Variants in HRK observed in about 807,000 individuals in gnomAD.
HRK encodes activator of apoptosis harakiri.
In HRK, 6 loss-of-function variants were observed where a neutral mutation model predicts 5.9. That is an observed-to-expected ratio of 1.02 (90% confidence interval 0.56 to 2.01). The LOEUF is 2.01. Among genes scored for constraint, HRK ranks in the 30% most tolerant of loss-of-function variants. HRK has a pLI of 0.00. For missense variants in HRK, 133 were observed against 128.3 expected (o/e 1.04, Z -0.18); for synonymous variants, 85 against 65.1 (o/e 1.31, Z -1.47).
chr12:116,871,265 G>A (rs1302667949), intron 1 of HRK, among the ~76,000 whole-genome samples: 1 of 148,764 alleles, frequency 6.7e-6, no homozygotes, highest in Admixed American at 6.7e-5. Flanking sequence ...CCAAAAGAAC[G>A]CTAAATATGT....
At chr12:116,868,708 A>G (rs1593006501) in intron 1 of HRK, among the ~76,000 whole-genome samples, 1 of 152,218 alleles carries the variant, frequency 6.6e-6, no homozygotes, top group East Asian at 1.9e-4. Context: ...CACCATGGCC[A>G]GGTGCTGGGA....
intron 1 of HRK, among the ~76,000 whole-genome samples, chr12:116,864,007 C>T (rs1481956954): frequency 6.6e-6 from 1 of 152,096 alleles, no homozygotes; most frequent in Non-Finnish European, 1.5e-5. Flanking sequence ...AGGCCAATTC[C>T]CCTTCTATCT....
chr12:116,864,790 G>T (rs1203671188), intron 1 of HRK, among the ~76,000 whole-genome samples: 1 of 152,082 alleles, frequency 6.6e-6, no homozygotes, highest in Non-Finnish European at 1.5e-5. Flanking sequence ...TATATATATA[G>T]GGTTTCTTTC....
rs1210534814 is a variant in HRK at position 116,878,097 on chromosome 12, G to A, written c.*56+2879C>T. ...CGCTCAGCTAATTTTTGTATTTTTA[G>A]TAGAGATGGGGTTTCACCATGTTGG... On this transcript the variant is annotated intron_variant, in intron 1 of 1. Coordinates refer to ENST00000257572, the MANE Select transcript of HRK (RefSeq NM_003806.4). The surrounding 1 kb of genome is among the most constrained non-coding windows in gnomAD (Gnocchi z 4.4). Among the ~76,000 whole-genome samples, 1 of 152,162 alleles carries A rather than the reference G, an allele frequency of 6.6e-6. No individual in the cohort carries two copies. Among genetic ancestry groups the A allele is most frequent in the Non-Finnish European group, 1.5e-5 (1 of 68,036 alleles).
Position 116,862,708 on chromosome 12 carries a change from TTTTGTTTGTTTGTTTG to T in HRK, c.*57-1258_*57-1243del, listed in dbSNP as rs141619738. Among the ~76,000 whole-genome samples the T allele has an allele frequency of 0.092, 13,909 of 150,848 alleles. 1,574 individuals are homozygous for T. The highest frequency in any genetic ancestry group is 0.27 in the African/African-American group (10,941 of 41,008). ...TTGTACACCTTAAAAAGGTAGGGTT[TTTTGTTTGTTTGTTTG>T]TTTGTTTGTTTGTTTGTTTGTTTTT... is the stretch of plus-strand genomic sequence containing the variant. On this transcript the variant is annotated intron_variant, in intron 1 of 1. Transcript: ENST00000257572. The surrounding 1 kb of genome is among the most constrained non-coding windows in gnomAD (Gnocchi z 4.0).
intron 1 of HRK, among the ~76,000 whole-genome samples, chr12:116,869,985 C>T (rs185574078): frequency 2.6e-5 from 4 of 152,248 alleles, no homozygotes; most frequent in East Asian, 1.9e-4. Context: ...GAGGCTGAGG[C>T]GGAAGAATCG....
At position 116,859,027 on chromosome 12, in the gene HRK, A is replaced by G. The variant is rs943471159; in HGVS notation, c.*2496T>C. The G allele has an allele frequency of 2.6e-5, 4 of 152,170 alleles. No individual in the cohort carries two copies. The highest frequency in any genetic ancestry group is 6.6e-5 in the Admixed American group (1 of 15,260). The allele number at this position is 152,170 out of a possible 1,614,324, so 9.4% of individuals were successfully genotyped here. ...GCAGTCGAGAAGTGCACTCCAATGA[A>G]TGATGTGCAAGGAAAGGTCAGGATT... On this transcript the variant is annotated 3_prime_UTR_variant, in exon 2 of 2. Coordinates refer to ENST00000257572, the MANE Select transcript of HRK (RefSeq NM_003806.4).
intron 1 of HRK, among the ~76,000 whole-genome samples, chr12:116,871,130 T>C (rs1878733249): frequency 6.7e-6 from 1 of 148,604 alleles, no homozygotes; most frequent in Non-Finnish European, 1.5e-5. Flanking sequence ...TTGTTTTGTT[T>C]TGTTTTAGTA....
chr12:116,871,324 AT>A (rs1187110251), intron 1 of HRK, among the ~76,000 whole-genome samples: 1 of 150,848 alleles, frequency 6.6e-6, no homozygotes, highest in African/African-American at 2.4e-5. Context: ...TTTTTTTTAG[AT>A]GGAGTTTCTC....
intron 1 of HRK, among the ~76,000 whole-genome samples, chr12:116,874,382 C>G (rs2137252457): frequency 6.6e-6 from 1 of 152,326 alleles, no homozygotes; most frequent in South Asian, 2.1e-4. Context: ...GTCCACTATT[C>G]CCCTGGTTCC....
rs903603547 is a variant in HRK, at chr12:116,879,899, C to A, written c.*56+1077G>T. Among the ~76,000 whole-genome samples the A allele has an allele frequency of 2.6e-5, 4 of 152,210 alleles. No individual in the cohort carries two copies. The highest frequency in any genetic ancestry group is 9.6e-5 in the African/African-American group (4 of 41,452). On this transcript the variant is annotated intron_variant, in intron 1 of 1. Coordinates refer to ENST00000257572, the MANE Select transcript of HRK (RefSeq NM_003806.4). The surrounding 1 kb of genome is among the most constrained non-coding windows in gnomAD (Gnocchi z 5.6). ...TATGTCACCTTCGAGCTTCACCTTC[C>A]GGCCCTAGACCCATCTATGGTGGGC... is the stretch of plus-strand genomic sequence containing the variant.
rs1878337970 is a variant in HRK, at chr12:116,860,883, A to C, written c.*640T>G. On this transcript the variant is annotated 3_prime_UTR_variant, in exon 2 of 2. Coordinates refer to ENST00000257572, the MANE Select transcript of HRK (RefSeq NM_003806.4). ...AAAATCCCATTTCTCTTGACGTGAC[A>C]GTGGGATCTAGCGATCGACCTAGGT... 1 of 152,266 alleles carries C rather than the reference A, an allele frequency of 6.6e-6. No individual in the cohort carries two copies. The highest frequency in any genetic ancestry group is 1.5e-5 in the Non-Finnish European group (1 of 68,062). The allele number at this position is 152,266 out of a possible 1,614,324, so 9.4% of individuals were successfully genotyped here.
At chr12:116,863,060 T>C (rs966901933) in intron 1 of HRK, among the ~76,000 whole-genome samples, 25 of 152,266 alleles carry the variant, frequency 1.6e-4, no homozygotes, top group African/African-American at 5.3e-4. Flanking sequence ...ATAAGGTGGC[T>C]ATAAGTTAGC....
Position 116,859,645 on chromosome 12 carries a change from T to A in HRK, c.*1878A>T, listed in dbSNP as rs1878286453. 6.6e-6 allele frequency: 1 copy of A among 151,540 alleles called. No individual in the cohort carries two copies. Among genetic ancestry groups the A allele is most frequent in the Non-Finnish European group, 1.5e-5 (1 of 67,830 alleles). 9.4% of individuals were successfully genotyped at this position (151,540 alleles called of 1,614,324 possible). On this transcript the variant is annotated 3_prime_UTR_variant, in exon 2 of 2. Coordinates refer to ENST00000257572, the MANE Select transcript of HRK (RefSeq NM_003806.4). ...AAAATAAGCATTATTCTTCTTTTTT[T>A]TTTTTTGGTTTGCTGAGTTCAAAGC...
intron 1 of HRK, among the ~76,000 whole-genome samples, chr12:116,863,697 C>T (rs1353575410): frequency 7.2e-6 from 1 of 138,940 alleles, no homozygotes; most frequent in Admixed American, 7.3e-5. Context: ...AAACCTTTTG[C>T]TTTTTTTTTT....
intron 1 of HRK, among the ~76,000 whole-genome samples, chr12:116,875,547 T>G (rs1378502736): frequency 6.6e-6 from 1 of 152,114 alleles, no homozygotes; most frequent in African/African-American, 2.4e-5. Context: ...TTTTTTATTT[T>G]TTATTTTTTT....
In HRK at chr12:116,856,178, T is replaced by A. The variant is rs1328373678; in HGVS notation, c.*5345A>T. On this transcript the variant is annotated 3_prime_UTR_variant, in exon 2 of 2. Transcript: ENST00000257572. This position sits in a 1 kb window ranked among gnomAD's most constrained non-coding sequence, Gnocchi z 4.4. ...ACAATCAGTTTTTTAATAAAGTCATTACAAATATGTACAAAGCGTCTCCAA... is the reference window on the plus strand; with the variant it reads ...ACAATCAGTTTTTTAATAAAGTCATAACAAATATGTACAAAGCGTCTCCAA... The A allele has an allele frequency of 6.6e-6, 1 of 152,186 alleles. No individual in the cohort carries two copies. Among genetic ancestry groups the A allele is most frequent in the Non-Finnish European group, 1.5e-5 (1 of 68,032 alleles). The allele number at this position is 152,186 out of a possible 1,614,324, so 9.4% of individuals were successfully genotyped here. A position where few individuals can be genotyped will look rare whatever the true frequency, so the allele number is the denominator to read the frequency against.
intron 1 of HRK, among the ~76,000 whole-genome samples, chr12:116,870,239 C>T (rs1423871583): frequency 6.6e-6 from 1 of 152,186 alleles, no homozygotes; most frequent in East Asian, 1.9e-4. Context: ...TTTTACAGGA[C>T]TTATTAAGTA....
rs1454146106 is a variant in HRK, at chr12:116,862,018, G to C, written c.*57-552C>G. Among the ~76,000 whole-genome samples, 1 of 152,220 alleles carries C rather than the reference G, an allele frequency of 6.6e-6. No homozygotes were observed. Among genetic ancestry groups the C allele is most frequent in the East Asian group, 1.9e-4 (1 of 5,190 alleles). On this transcript the variant is annotated intron_variant, in intron 1 of 1. Coordinates refer to ENST00000257572, the MANE Select transcript of HRK (RefSeq NM_003806.4). This position sits in a 1 kb window ranked among gnomAD's most constrained non-coding sequence, Gnocchi z 4.0. ...GGGGCTCAGAACCAACAGGGAGATGGGAAGAAGTGGATAATGACAGTCCCA... is the reference window on the plus strand; with the variant it reads ...GGGGCTCAGAACCAACAGGGAGATGCGAAGAAGTGGATAATGACAGTCCCA...
Sources: allele counts gnomAD v4.1 joint callset (sites outside exome capture counted in the v4.1 genomes callset), GRCh38; gene constraint gnomAD v4.1.1; non-coding constraint Gnocchi (gnomAD v3.1); transcripts MANE v1.5; gene names NCBI Gene and HGNC (gene_info 2026-07-23, HGNC 2026-07-21).